Variants in TRABD2B observed in about 807,000 individuals in gnomAD.
TRABD2B encodes the protein TraB domain containing 2B.
Under a neutral mutation model 40.1 loss-of-function variants are expected in TRABD2B, and 14 were observed. That is an observed-to-expected ratio of 0.35 (90% CI 0.23 to 0.55). The LOEUF is 0.55. TRABD2B is among the 20% of genes least tolerant of loss of function. The probability of loss-of-function intolerance (pLI) is 0.90; values close to 1 mark genes in which losing one functional copy is unlikely to be tolerated. For synonymous variants in TRABD2B, 263 were observed against 277.0 expected (o/e 0.95, Z 0.50); for missense variants, 541 against 648.6 (o/e 0.83, Z 1.80).
intron 4 of TRABD2B, among the ~76,000 whole-genome samples, chr1:47,780,894 T>G (rs1390969464): frequency 6.6e-6 from 1 of 152,236 alleles, no homozygotes; most frequent in African/African-American, 2.4e-5. Flanking sequence ...CCCCGCAGCC[T>G]GTGATCCTAA....
chr1:47,768,080 G>A (rs1232509729), intron 6 of TRABD2B, among the ~76,000 whole-genome samples: 1 of 152,210 alleles, frequency 6.6e-6, no homozygotes, highest in African/African-American at 2.4e-5. Context: ...CTGGCTTGAC[G>A]TATGTCATTA....
chr1:47,857,486 G>T (rs779706543), intron 2 of TRABD2B, among the ~76,000 whole-genome samples: 1 of 152,146 alleles, frequency 6.6e-6, no homozygotes, highest in Non-Finnish European at 1.5e-5. Flanking sequence ...AGCCTTCCCT[G>T]ATCCCGTGAG....
At chr1:47,975,179 C>T (rs935087717) in intron 2 of TRABD2B, among the ~76,000 whole-genome samples, 1 of 152,190 alleles carries the variant, frequency 6.6e-6, no homozygotes, top group Non-Finnish European at 1.5e-5. Flanking sequence ...GTATCAGGTT[C>T]ATTCATTATG....
chr1:47,809,295 CCT>C (rs1460441536), intron 2 of TRABD2B, among the ~76,000 whole-genome samples: 4 of 152,318 alleles, frequency 2.6e-5, no homozygotes, highest in Non-Finnish European at 4.4e-5. Flanking sequence ...TCAGGCAAAT[CCT>C]CTGTCTTCAT....
intron 2 of TRABD2B, among the ~76,000 whole-genome samples, chr1:47,978,622 T>C (rs1296030014): frequency 2.6e-5 from 4 of 152,162 alleles, no homozygotes. Context: ...ACAGAGAGTG[T>C]GTGTTCCTAC....
At chr1:47,876,732 T>C (rs1570184667) in intron 2 of TRABD2B, among the ~76,000 whole-genome samples, 1 of 152,200 alleles carries the variant, frequency 6.6e-6, no homozygotes, top group Non-Finnish European at 1.5e-5. Flanking sequence ...GAGTGAGTGC[T>C]GCCCCACTCA....
chr1:47,832,886 C>G (rs1645269161), intron 2 of TRABD2B, among the ~76,000 whole-genome samples: 1 of 152,114 alleles, frequency 6.6e-6, no homozygotes. Flanking sequence ...CTTTGAGGAG[C>G]TGGGAAGGCT....
intron 2 of TRABD2B, among the ~76,000 whole-genome samples, chr1:47,897,927 T>C (rs1644546793): frequency 1.3e-5 from 2 of 152,318 alleles, no homozygotes; most frequent in African/African-American, 4.8e-5. Flanking sequence ...CAAACAGAAG[T>C]GTTAGCTATT....
chr1:47,770,883 C>G (rs1296649562), intron 6 of TRABD2B, among the ~76,000 whole-genome samples: 9 of 152,232 alleles, frequency 5.9e-5, no homozygotes, highest in Admixed American at 5.9e-4. Flanking sequence ...TCAATACCAG[C>G]TGCAACTGTT....
rs144370617 is a variant in TRABD2B at position 47,963,142 on chromosome 1, C to T, written c.666+30892G>A. Among the ~76,000 whole-genome samples the T allele has an allele frequency of 9.5e-4, 145 of 152,322 alleles. 3 individuals are homozygous for T. The South Asian group carries it at 0.026, about 28-fold the overall frequency. ...GCACAGACTGACTTAAACACACATA[C>T]GAATTTATCTGATGGATCGTCTCCC... On this transcript the variant is annotated intron_variant, in intron 2 of 6. Transcript: ENST00000606738.
chr1:47,878,297 CAGAG>C (rs1457414884), intron 2 of TRABD2B, among the ~76,000 whole-genome samples: 1 of 152,142 alleles, frequency 6.6e-6, no homozygotes. Flanking sequence ...GTCTGGACGA[CAGAG>C]AGAGACTCTC....
chr1:47,785,868 C>G (rs143599748), intron 4 of TRABD2B, among the ~76,000 whole-genome samples: 1 of 152,316 alleles, frequency 6.6e-6, no homozygotes, highest in East Asian at 1.9e-4. Context: ...CAGGGCCCCA[C>G]GCCTCCTGAG....
chr1:47,796,522 C>T (rs1055847069), intron 3 of TRABD2B, among the ~76,000 whole-genome samples: 1 of 152,198 alleles, frequency 6.6e-6, no homozygotes, highest in Non-Finnish European at 1.5e-5. Context: ...AGGCTGAGCC[C>T]TAAGGGACTC....
chr1:47,849,298 CAT>C lies in TRABD2B; in HGVS notation c.667-47681_667-47680del, dbSNP rs111464617. On this transcript the variant is annotated intron_variant, in intron 2 of 6. Transcript: ENST00000606738. ...GATTGGGAAACACAGAGACACCAGA[CAT>C]GTGTACAACTGGACAATCACGAGAA... Among the ~76,000 whole-genome samples the C allele has an allele frequency of 7.9e-5, 12 of 152,312 alleles. 3 individuals carry two copies. The highest frequency in any genetic ancestry group is 2.9e-4 in the African/African-American group (12 of 41,578).
intron 2 of TRABD2B, among the ~76,000 whole-genome samples, chr1:47,888,396 C>G (rs1644401729): frequency 6.6e-6 from 1 of 152,146 alleles, no homozygotes; most frequent in Non-Finnish European, 1.5e-5. Context: ...AGGTGCAGTG[C>G]CCTTGGGACC....
At chr1:47,811,403 C>A (rs905650368) in intron 2 of TRABD2B, among the ~76,000 whole-genome samples, 1 of 152,220 alleles carries the variant, frequency 6.6e-6, no homozygotes, top group Non-Finnish European at 1.5e-5. Context: ...GCTGAGCTCT[C>A]AGTGCTTTCC....
At chr1:47,947,028 A>T (rs1478022897) in intron 2 of TRABD2B, among the ~76,000 whole-genome samples, 7 of 152,062 alleles carry the variant, frequency 4.6e-5, no homozygotes, top group African/African-American at 1.7e-4. Context: ...CATTTTACTC[A>T]TATGAACACC....
chr1:47,848,179 C>T (rs1032037038), intron 2 of TRABD2B, among the ~76,000 whole-genome samples: 1 of 152,148 alleles, frequency 6.6e-6, no homozygotes, highest in Non-Finnish European at 1.5e-5. Flanking sequence ...GAGGGCCAAA[C>T]CCAAAATGTT....
intron 2 of TRABD2B, among the ~76,000 whole-genome samples, chr1:47,802,789 T>C (rs1023560616): frequency 6.6e-6 from 1 of 152,136 alleles, no homozygotes; most frequent in Non-Finnish European, 1.5e-5. Context: ...TTCTCTTCTA[T>C]ACCATAGTTA....
Sources: gnomAD v4.1 joint callset for allele counts (sites outside exome capture counted in the v4.1 genomes callset) on GRCh38, gnomAD v4.1.1 for gene constraint, MANE v1.5 for transcripts, NCBI Gene and HGNC (gene_info 2026-07-23, HGNC 2026-07-21) for gene names.